PLXNC1: variants seen among roughly 807,000 people sequenced by gnomAD.
PLXNC1 encodes the protein plexin-C1.
In PLXNC1, 75 loss-of-function variants were observed where a neutral mutation model predicts 178.2. The observed-to-expected ratio is 0.42, with a 90% CI of 0.35 to 0.51. PLXNC1 has a LOEUF of 0.51. Among genes scored for constraint, PLXNC1 ranks in the 20% least tolerant of loss-of-function variants. The pLI is 0.02. For missense variants in PLXNC1, 1,503 were observed against 1,984.4 expected (o/e 0.76, Z 4.61); for synonymous variants, 790 against 779.9 (o/e 1.01, Z -0.22).
In PLXNC1 at chr12:94,282,383, C is replaced by T. The variant is rs1966507117; in HGVS notation, c.3861C>T (p.Asn1287=). The T allele has an allele frequency of 2.5e-6, 4 of 1,610,668 alleles. No individual in the cohort carries two copies. Among genetic ancestry groups the T allele is most frequent in the Non-Finnish European group, 3.4e-6 (4 of 1,176,822 alleles). ...VILEDGITKL[N]TIGHYEISNG... is the part of the protein sequence containing the mutation. ...TTGAAGATGGAATCACCAAGCTAAA[C>T]ACCATTGGCCACTATGAGGTAAGAG... The change falls in exon 23 of 31, where the codon AAC becomes AAT. Residue 1287 remains asparagine, a synonymous_variant. Transcript: ENST00000258526.
chr12:94,155,775 G>A (rs975646647), intron 1 of PLXNC1, among the ~76,000 whole-genome samples: 1 of 152,078 alleles, frequency 6.6e-6, no homozygotes, highest in African/African-American at 2.4e-5. Flanking sequence ...TGTGCTGTAC[G>A]CCAGAACCAA....
chr12:94,287,102 C>T (rs1409996782), intron 23 of PLXNC1, among the ~76,000 whole-genome samples: 3 of 152,202 alleles, frequency 2.0e-5, no homozygotes, highest in East Asian at 1.9e-4. Context: ...CCACAAAAAC[C>T]CTGGGAGGCA....
intron 1 of PLXNC1, among the ~76,000 whole-genome samples, chr12:94,159,916 G>A (rs1457827016): frequency 6.6e-6 from 1 of 151,730 alleles, no homozygotes; most frequent in Admixed American, 6.5e-5. Flanking sequence ...GGACGTTGAA[G>A]AGCTGAACTG....
chr12:94,217,130 C>G (rs1158785431), intron 5 of PLXNC1, among the ~76,000 whole-genome samples: 1 of 152,226 alleles, frequency 6.6e-6, no homozygotes, highest in Non-Finnish European at 1.5e-5. Context: ...GCTAAGGTCA[C>G]TAGTGAACTC....
rs1028730094 is a variant in PLXNC1 at position 94,182,869 on chromosome 12, A to G, written c.1338+1289A>G. ...TGTTCAAGAATATCTGTATCTATCT[A>G]TCTATCTATCTATCTATCTATCTAT... On this transcript the variant is annotated intron_variant, in intron 3 of 30. Transcript: ENST00000258526. Among the ~76,000 whole-genome samples, 75 of 145,638 alleles carry G rather than the reference A, an allele frequency of 5.1e-4. 2 individuals carry two copies. The highest frequency in any genetic ancestry group is 1.1e-4 in the Non-Finnish European group (7 of 65,450).
chr12:94,257,994 A>T (rs1443690492), intron 17 of PLXNC1, among the ~76,000 whole-genome samples: 2 of 150,910 alleles, frequency 1.3e-5, no homozygotes, highest in Non-Finnish European at 1.5e-5. Context: ...ACTGCACTCC[A>T]GCCTGGGCGA....
intron 5 of PLXNC1, among the ~76,000 whole-genome samples, chr12:94,217,653 T>C (rs1053004225): frequency 6.6e-6 from 1 of 152,054 alleles, no homozygotes; most frequent in Non-Finnish European, 1.5e-5. Flanking sequence ...CATATCCACA[T>C]CCCCCACTTC....
chr12:94,275,572 G>GAGCACTAAGTGTTAGCAGCAT (rs1565847977), intron 21 of PLXNC1, among the ~76,000 whole-genome samples: 1 of 143,872 alleles, frequency 7.0e-6, no homozygotes, highest in African/African-American at 2.6e-5. Context: ...ACTGCTGTTT[G>GAGCACTAAGTGTTAGCAGCAT]GCCGGGCGCG....
In PLXNC1 at chr12:94,240,615, A is replaced by G; in HGVS notation, c.2251A>G (p.Ile751Val). 1 of 1,613,998 alleles carries G rather than the reference A, an allele frequency of 6.2e-7. No homozygotes were observed. The highest frequency in any genetic ancestry group is 8.5e-7 in the Non-Finnish European group (1 of 1,179,850). Residue 751 changes from isoleucine to valine, a missense_variant, in exon 11 of 31, where the codon ATT becomes GTT. Physicochemically the swap from Ile to Val is conservative, Grantham distance 29. Transcript: ENST00000258526. ...CTCTTCTGTGGGATCCTTATCCTACATTGCTCTGCCACATTGTTCCCTTAT... is the reference window on the plus strand; with the variant it reads ...CTCTTCTGTGGGATCCTTATCCTACGTTGCTCTGCCACATTGTTCCCTTAT... ...NCSSVGSLSY[I>V]ALPHCSLIFP...
At chr12:94,298,240 A>G (rs1434954631) in intron 26 of PLXNC1, among the ~76,000 whole-genome samples, 2 of 152,256 alleles carry the variant, frequency 1.3e-5, no homozygotes, top group Non-Finnish European at 2.9e-5. Flanking sequence ...TGCAACAGGA[A>G]AAATTCTGGG....
At chr12:94,162,017 G>A (rs181962810) in intron 1 of PLXNC1, among the ~76,000 whole-genome samples, 4 of 152,274 alleles carry the variant, frequency 2.6e-5, no homozygotes, top group African/African-American at 9.6e-5. Flanking sequence ...TGCTGCATTC[G>A]AAGTGTAGAA....
In PLXNC1 at chr12:94,260,629, TC is replaced by T. The variant is rs1227510306; in HGVS notation, c.3252-12del. ...CTGCAGCCAATGGTTCACCCAGCTC[TC>T]TTTTTCAACAGGTGTCTGTTTGCCT... On this transcript the variant is annotated splice_polypyrimidine_tract_variant and intron_variant, in intron 19 of 30. Transcript: ENST00000258526. This position sits in a 1 kb window ranked among gnomAD's most constrained non-coding sequence, Gnocchi z 4.4. The T allele has an allele frequency of 6.2e-7, 1 of 1,607,534 alleles. No homozygotes were observed. Among genetic ancestry groups the T allele is most frequent in the East Asian group, 2.2e-5 (1 of 44,808 alleles).
chr12:94,231,647 G>A (rs537745385), intron 9 of PLXNC1, among the ~76,000 whole-genome samples: 2 of 152,142 alleles, frequency 1.3e-5, no homozygotes, highest in South Asian at 4.1e-4. Flanking sequence ...CATCTGCCAA[G>A]GGGGCTGAGT....
At chr12:94,231,805 C>T (rs969698283) in intron 9 of PLXNC1, among the ~76,000 whole-genome samples, 20 of 152,090 alleles carry the variant, frequency 1.3e-4, no homozygotes, top group African/African-American at 4.6e-4. Context: ...TGTCAGGGAC[C>T]GTTGGCCCTT....
chr12:94,216,806 C>G (rs145256074), intron 5 of PLXNC1, among the ~76,000 whole-genome samples: 41 of 152,240 alleles, frequency 2.7e-4, no homozygotes, highest in African/African-American at 9.6e-4. Context: ...AATTCTTTGG[C>G]CTTGTGAATG....
At chr12:94,251,405 T>G in intron 14 of PLXNC1, 21 bp from the exon 15 acceptor site, 9 of 1,452,900 alleles carry the variant, frequency 6.2e-6, no homozygotes, top group Admixed American at 1.7e-5. Context: ...TTGGGTCTAA[T>G]GACATTCTTT....
chr12:94,265,057 T>C lies in PLXNC1; in HGVS notation c.3451-22T>C, dbSNP rs374144511. On this transcript the variant is annotated intron_variant, in intron 20 of 30. Coordinates refer to ENST00000258526, the MANE Select transcript of PLXNC1 (RefSeq NM_005761.3). ...AGTGGATTCCACAGAAAGCTAACTG[T>C]CACTTTTGTGTCTTTTCCAAGGAGA... 2.8e-5 allele frequency: 45 copies of C among 1,612,054 alleles called. No individual in the cohort carries two copies. The South Asian group carries it at 4.5e-4, about 16-fold the overall frequency.
intron 20 of PLXNC1, among the ~76,000 whole-genome samples, chr12:94,262,038 T>C (rs1965002491): frequency 1.3e-5 from 2 of 152,222 alleles, no homozygotes; most frequent in African/African-American, 4.8e-5. Flanking sequence ...TGTTTCCCAC[T>C]GTCTTTGCTT....
At chr12:94,152,886 G>T (rs1961011175) in intron 1 of PLXNC1, among the ~76,000 whole-genome samples, 3 of 152,184 alleles carry the variant, frequency 2.0e-5, no homozygotes, top group Admixed American at 2.0e-4. Flanking sequence ...CGAGATGCTT[G>T]TGTAATGAGT....
Sources: gnomAD v4.1 joint callset for allele counts (sites outside exome capture counted in the v4.1 genomes callset) on GRCh38, gnomAD v4.1.1 for gene constraint, Gnocchi (gnomAD v3.1) non-coding constraint, MANE v1.5 for transcripts, NCBI Gene and HGNC (gene_info 2026-07-23, HGNC 2026-07-21) for gene names.